The following SGPP2 variants were observed in gnomAD, a reference collection of about 807,000 sequenced individuals.
The protein encoded by SGPP2 is sphingosine 1-phosphate phosphohydrolase 2.
In SGPP2, 30 loss-of-function variants were observed where a neutral mutation model predicts 33.9. The ratio of observed to expected loss-of-function variants is 0.89; its 90% CI spans 0.66 to 1.20. The LOEUF is 1.20. Among genes scored for constraint, SGPP2 ranks in the 50% most tolerant of loss-of-function variants. SGPP2 has a pLI of 0.00. For missense variants in SGPP2, 458 were observed against 532.1 expected (o/e 0.86, Z 1.37); for synonymous variants, 233 against 225.0 (o/e 1.04, Z -0.32).
chr2:222,454,733 T>TAAAA (rs78696026), intron 1 of SGPP2, among the ~76,000 whole-genome samples: 1 of 117,964 alleles, frequency 8.5e-6, no homozygotes, highest in South Asian at 2.7e-4. Flanking sequence ...GTGGAGCTGT[T>TAAAA]AAAAAAAAAA....
Position 222,477,632 on chromosome 2 carries a change from A to C in SGPP2, c.378+2906A>C, listed in dbSNP as rs946331684. ...GTGTTCTAAATCCCAAAACTTTAAT[A>C]ATTGTTGAGTGGGGCAGATGATGAG... On this transcript the variant is annotated intron_variant, in intron 2 of 4. Coordinates refer to ENST00000321276, the MANE Select transcript of SGPP2 (RefSeq NM_152386.4). This position sits in a 1 kb window ranked among gnomAD's most constrained non-coding sequence, Gnocchi z 6.0. Among the ~76,000 whole-genome samples, 3 of 151,726 alleles carry C rather than the reference A, an allele frequency of 2.0e-5. No homozygotes were observed. Among genetic ancestry groups the C allele is most frequent in the African/African-American group, 4.8e-5 (2 of 41,266 alleles).
chr2:222,529,524 G>A (rs539526601), intron 4 of SGPP2, among the ~76,000 whole-genome samples: 12 of 152,128 alleles, frequency 7.9e-5, no homozygotes, highest in East Asian at 5.8e-4. Context: ...TAGTAGAGGC[G>A]GGGTTTCACC....
chr2:222,442,100 T>G lies in SGPP2; in HGVS notation c.219+17279T>G, dbSNP rs141680324. Reference sequence around the variant, plus strand: ...TTAATGCACTGAAAGATTTCAGCCTTAAAAATATCCTTCCTTGGGCAAAAA... The same window carrying G: ...TTAATGCACTGAAAGATTTCAGCCTGAAAAATATCCTTCCTTGGGCAAAAA... On this transcript the variant is annotated intron_variant, in intron 1 of 4. Transcript: ENST00000321276. 3.1e-3 allele frequency among the ~76,000 whole-genome samples: 473 copies of G among 152,320 alleles called. 4 individuals carry two copies. In the South Asian group the frequency reaches 0.034, roughly 11 times the overall value.
At chr2:222,473,173 T>C (rs758252880) in intron 1 of SGPP2, among the ~76,000 whole-genome samples, 10 of 152,254 alleles carry the variant, frequency 6.6e-5, no homozygotes, top group Non-Finnish European at 1.0e-4. Context: ...TTCTCTTTCA[T>C]AATCTTTGCA....
chr2:222,453,270 T>C lies in SGPP2; in HGVS notation c.220-21298T>C, dbSNP rs569478458. On this transcript the variant is annotated intron_variant, in intron 1 of 4. Transcript: ENST00000321276. ...TCAGATGCTTTGAAGCCAGGCAGGT[T>C]TGGGGACAAGCTGGATTCACACTCA... 5.3e-6 allele frequency: 4 copies of C among 755,982 alleles called. 1 individual carries two copies. The South Asian group carries it at 5.5e-5, about 10-fold the overall frequency. The allele number at this position is 755,982 out of a possible 1,614,324, so 46.8% of individuals were successfully genotyped here.
chr2:222,522,804 A>G (rs369603169), intron 3 of SGPP2, among the ~76,000 whole-genome samples: 2 of 152,098 alleles, frequency 1.3e-5, no homozygotes, highest in African/African-American at 4.8e-5. Flanking sequence ...TCATCTTCAC[A>G]AGTAGCTGAG....
At chr2:222,480,460 C>A (rs1351025890) in intron 2 of SGPP2, among the ~76,000 whole-genome samples, 4 of 152,148 alleles carry the variant, frequency 2.6e-5, no homozygotes, top group African/African-American at 9.7e-5. Flanking sequence ...AGCACAGATA[C>A]AATAGAAGAT....
intron 2 of SGPP2, among the ~76,000 whole-genome samples, chr2:222,514,458 A>G (rs1698574423): frequency 6.6e-6 from 1 of 152,166 alleles, no homozygotes; most frequent in Non-Finnish European, 1.5e-5. Flanking sequence ...TCTGCCTCCC[A>G]CAGTGCTGGG....
At chr2:222,428,607 C>T (rs762768442) in intron 1 of SGPP2, among the ~76,000 whole-genome samples, 29 of 152,038 alleles carry the variant, frequency 1.9e-4, no homozygotes, top group Non-Finnish European at 2.8e-4. Flanking sequence ...ACATTTGAGG[C>T]TCTAAATCTG....
chr2:222,498,556 AAATG>A (rs1037027725), intron 2 of SGPP2, among the ~76,000 whole-genome samples: 5 of 152,160 alleles, frequency 3.3e-5, no homozygotes, highest in African/African-American at 4.8e-5. Flanking sequence ...ACATTTAAAG[AAATG>A]AATGAATGAA....
At chr2:222,455,376 AC>A (rs1697557137) in intron 1 of SGPP2, among the ~76,000 whole-genome samples, 1 of 152,192 alleles carries the variant, frequency 6.6e-6, no homozygotes, top group Non-Finnish European at 1.5e-5. Flanking sequence ...GAAGGAGCCA[AC>A]CAGGAGGAGA....
intron 4 of SGPP2, among the ~76,000 whole-genome samples, chr2:222,525,502 C>T (rs1425558597): frequency 1.3e-5 from 2 of 152,206 alleles, no homozygotes; most frequent in East Asian, 3.8e-4. Flanking sequence ...TCCTTCCATA[C>T]TGTTTTAGGC....
chr2:222,558,029 G>A (rs950487294), intron 4 of SGPP2, among the ~76,000 whole-genome samples: 2 of 152,096 alleles, frequency 1.3e-5, no homozygotes, highest in African/African-American at 4.8e-5. Flanking sequence ...TATAAGTGTC[G>A]AAATACTAGA....
intron 4 of SGPP2, among the ~76,000 whole-genome samples, chr2:222,539,886 T>C (rs1281379255): frequency 6.6e-6 from 1 of 152,200 alleles, no homozygotes; most frequent in Non-Finnish European, 1.5e-5. Flanking sequence ...CGGTGTCATC[T>C]AGTTACTTCT....
intron 4 of SGPP2, among the ~76,000 whole-genome samples, chr2:222,553,358 A>C (rs938103753): frequency 6.6e-6 from 1 of 152,258 alleles, no homozygotes; most frequent in Non-Finnish European, 1.5e-5. Context: ...TATTTGGGAA[A>C]AGCAAATAGA....
rs547914726 is a variant in SGPP2, at chr2:222,543,504, C to T, written c.649-14843C>T. Among the ~76,000 whole-genome samples, 91 of 152,262 alleles carry T rather than the reference C, an allele frequency of 6.0e-4. 1 individual carries two copies. The highest frequency in any genetic ancestry group is 1.8e-4 in the Non-Finnish European group (12 of 68,006). On this transcript the variant is annotated intron_variant, in intron 4 of 4. Transcript: ENST00000321276. ...TAAAGCTTAATTTATAAATTAGGGA[C>T]AGTAAGAGATTAACAACAACAACCA... is the stretch of plus-strand genomic sequence containing the variant.
chr2:222,480,996 A>G lies in SGPP2; in HGVS notation c.378+6270A>G, dbSNP rs749070898. On this transcript the variant is annotated intron_variant, in intron 2 of 4. Transcript: ENST00000321276. ...ATCCTCAGCAAACTATCAGGAACAG[A>G]AAACCAAACACTGCATGTTCTCACT... Among the ~76,000 whole-genome samples, 23 of 152,206 alleles carry G rather than the reference A, an allele frequency of 1.5e-4. 1 individual carries two copies. Among genetic ancestry groups the G allele is most frequent in the Non-Finnish European group, 2.1e-4 (14 of 68,032 alleles).
rs757978005 is a variant in SGPP2 at position 222,521,920 on chromosome 2, C to T, written c.532C>T (p.Leu178Phe). Residue 178 changes from leucine to phenylalanine, a missense_variant, in exon 3 of 5, where the codon CTT (leucine) becomes TTT (phenylalanine). Physicochemically the swap from Leu to Phe is conservative, Grantham distance 22 (BLOSUM62 0). Coordinates refer to ENST00000321276, the MANE Select transcript of SGPP2 (RefSeq NM_152386.4). ...MAATAIAFTL[L>F]ISTMDRYQYP... ...GGCCACTGCCATTGCCTTCACCCTC[C>T]TTATCTCTACTATGGACAGATACCA... The T allele has an allele frequency of 3.1e-6, 5 of 1,599,738 alleles. No individual in the cohort carries two copies. The Admixed American group carries it at 7.0e-5, about 22-fold the overall frequency.
At chr2:222,523,262 A>G (rs1698713323) in intron 3 of SGPP2, among the ~76,000 whole-genome samples, 1 of 152,256 alleles carries the variant, frequency 6.6e-6, no homozygotes, top group African/African-American at 2.4e-5. Flanking sequence ...ATCTTTTGTC[A>G]TAAGTTACTT....
Sources: allele counts gnomAD v4.1 joint callset (sites outside exome capture counted in the v4.1 genomes callset), GRCh38; gene constraint gnomAD v4.1.1; non-coding constraint Gnocchi (gnomAD v3.1); transcripts MANE v1.5; gene names NCBI Gene and HGNC (gene_info 2026-07-23, HGNC 2026-07-21).